MYH11: variants seen among roughly 807,000 people sequenced by gnomAD.
The protein encoded by MYH11 is myosin heavy chain 11.
MYH11 carries 80 observed loss-of-function variants against 246.6 expected under a neutral mutation model. The ratio of observed to expected loss-of-function variants is 0.32; its 90% CI spans 0.27 to 0.39. MYH11 has a LOEUF of 0.39. MYH11 is among the 10% of genes least tolerant of loss of function. MYH11 has a pLI of 1.00. For synonymous variants in MYH11, 1,071 were observed against 1,015.5 expected (o/e 1.05, Z -1.04); for missense variants, 2,158 against 2,546.8 (o/e 0.85, Z 3.29).
At chr16:15,803,797 C>T (rs1363577048) in intron 3 of MYH11, among the ~76,000 whole-genome samples, 1 of 152,190 alleles carries the variant, frequency 6.6e-6, no homozygotes, top group Non-Finnish European at 1.5e-5. Flanking sequence ...ACAGGGCCCC[C>T]AGGAGAGGGA....
intron 8 of MYH11, among the ~76,000 whole-genome samples, chr16:15,772,355 G>T (rs1281828840): frequency 1.3e-5 from 2 of 152,040 alleles, no homozygotes; most frequent in Admixed American, 6.6e-5. Flanking sequence ...GCCTCTCAAA[G>T]TTCTGGGATT....
At chr16:15,763,741 T>TGGGGCGGGCCCCCCCCCCCCCCCCCCC in intron 10 of MYH11, 55 bp downstream of exon 10, 1 of 646,862 alleles carries the variant, frequency 1.5e-6, no homozygotes, top group Non-Finnish European at 2.9e-6. Context: ...AAATGTCACC[T>TGGGGCGGGCCCCCCCCCCCCCCCCCCC]CCCCCACCCC....
intron 3 of MYH11, among the ~76,000 whole-genome samples, chr16:15,809,330 G>A (rs944560449): frequency 4.6e-5 from 7 of 151,860 alleles, no homozygotes; most frequent in African/African-American, 7.2e-5. Flanking sequence ...CCAGGAGTTC[G>A]AGACCAGCCT....
intron 3 of MYH11, among the ~76,000 whole-genome samples, chr16:15,818,856 T>C (rs965028233): frequency 6.6e-6 from 1 of 152,244 alleles, no homozygotes; most frequent in Non-Finnish European, 1.5e-5. Context: ...TTATCTTTTA[T>C]GGATGTGCAT....
At chr16:15,711,063 A>T (rs1475623704) in intron 40 of MYH11, 1 of 152,044 alleles carries the variant, frequency 6.6e-6, no homozygotes, top group Admixed American at 6.6e-5. Flanking sequence ...GTACTTTGGG[A>T]GCCTAGGCCT....
Position 15,717,410 on chromosome 16 carries a change from C to G in MYH11, c.5296-62G>C, listed in dbSNP as rs991471559. 11 of 1,559,318 alleles carry G rather than the reference C, an allele frequency of 7.1e-6. No homozygotes were observed. In the Admixed American group the frequency reaches 1.9e-4, roughly 26 times the overall value. On this transcript the variant is annotated intron_variant, in intron 37 of 40. Transcript: ENST00000300036. Reference sequence around the variant, plus strand: ...GGAAGCCCAAGAGAGCGCACTGAGACCATGCCTCTTCCTGCCTTGTTTGGC... The same window carrying G: ...GGAAGCCCAAGAGAGCGCACTGAGAGCATGCCTCTTCCTGCCTTGTTTGGC...
chr16:15,777,911 A>C (rs2042261139), intron 7 of MYH11, among the ~76,000 whole-genome samples: 1 of 152,168 alleles, frequency 6.6e-6, no homozygotes, highest in African/African-American at 2.4e-5. Flanking sequence ...AGACAAGTAC[A>C]GTGGAGAGGA....
intron 31 of MYH11, among the ~76,000 whole-genome samples, chr16:15,723,508 ATAG>A (rs200055589): frequency 0.016 from 2,375 of 152,244 alleles, 64 homozygotes; most frequent in African/African-American, 0.054. Context: ...TTAGCCAGAC[ATAG>A]TGGTGTGCTC....
chr16:15,800,549 G>A (rs2151324606), intron 3 of MYH11, among the ~76,000 whole-genome samples: 1 of 151,800 alleles, frequency 6.6e-6, no homozygotes, highest in East Asian at 2.0e-4. Context: ...GAGAGTGGAT[G>A]GGTGGGTGAA....
chr16:15,741,755 G>A lies in MYH11; in HGVS notation c.2652+5C>T, dbSNP rs2151251015. Reference sequence around the variant, plus strand: ...GCAACCCCAGCCATGCATCCATACAGGTACCTGCGAGTGCTTCTGTTCCAG... The same window carrying A: ...GCAACCCCAGCCATGCATCCATACAAGTACCTGCGAGTGCTTCTGTTCCAG... On this transcript the variant is annotated splice_donor_5th_base_variant and intron_variant, in intron 21 of 40. Transcript: ENST00000300036. The A allele has an allele frequency of 1.2e-6, 2 of 1,614,150 alleles. No homozygotes were observed. The highest frequency in any genetic ancestry group is 1.7e-6 in the Non-Finnish European group (2 of 1,180,038).
At chr16:15,801,146 C>A (rs951203190) in intron 3 of MYH11, among the ~76,000 whole-genome samples, 25 of 152,106 alleles carry the variant, frequency 1.6e-4, no homozygotes, top group African/African-American at 6.0e-4. Context: ...GCGGACGTTG[C>A]AGTGAGCCGA....
chr16:15,792,096 T>G (rs896559254), intron 4 of MYH11: 1 of 152,228 alleles, frequency 6.6e-6, no homozygotes, highest in African/African-American at 2.4e-5. Flanking sequence ...GTTTTGCTTC[T>G]TGCTCAGGCC....
chr16:15,719,283 C>G lies in MYH11; in HGVS notation c.5108G>C (p.Arg1703Pro). The change falls in exon 36 of 41, where the codon CGC (arginine) becomes CCC (proline). Residue 1703 changes from arginine (R) to proline (P), a missense_variant. By Grantham distance (103) the Arg-to-Pro change is moderately radical. Transcript: ENST00000300036. The part of the protein sequence containing the change: ...QEDLAAAERA[R>P]KQADLEKEEL... ...CTCCTTCTCGAGGTCCGCTTGTTTG[C>G]GAGCCCTCTCAGCGGCGGCGAGGTC... The G allele has an allele frequency of 6.2e-7, 1 of 1,612,538 alleles. No individual in the cohort carries two copies. The highest frequency in any genetic ancestry group is 8.5e-7 in the Non-Finnish European group (1 of 1,180,014).
At chr16:15,767,509 C>G (rs911204303) in intron 9 of MYH11, among the ~76,000 whole-genome samples, 1 of 151,780 alleles carries the variant, frequency 6.6e-6, no homozygotes, top group Non-Finnish European at 1.5e-5. Flanking sequence ...TTTGTGGATA[C>G]CGGGGTCTCA....
intron 31 of MYH11, among the ~76,000 whole-genome samples, chr16:15,722,417 ACAGAG>A (rs1310943483): frequency 6.6e-6 from 1 of 152,226 alleles, no homozygotes; most frequent in African/African-American, 2.4e-5. Context: ...TTCAGAGAGA[ACAGAG>A]CAGATTATAA....
chr16:15,814,707 A>G (rs1437388047), intron 3 of MYH11, among the ~76,000 whole-genome samples: 1 of 152,062 alleles, frequency 6.6e-6, no homozygotes. Context: ...CCTCTGGAAG[A>G]AAAGATCAAG....
In MYH11 at chr16:15,756,387, T is replaced by C; in HGVS notation, c.1703A>G (p.Gln568Arg). Reference protein sequence around the residue: ...GSHPKFQKPKQLKDKTEFSII... With the variant: ...GSHPKFQKPKRLKDKTEFSII... ...GGAGAACTCAGTCTTGTCCTTGAGC[T>C]GCTTGGGCTTCTGGAACTTGGGGTG... The change falls in exon 14 of 41, where the codon CAG becomes CGG. Residue 568 changes from glutamine to arginine, a missense_variant. Coordinates refer to ENST00000300036, the MANE Select transcript of MYH11 (RefSeq NM_002474.3). The C allele has an allele frequency of 6.2e-7, 1 of 1,614,202 alleles. No homozygotes were observed. Among genetic ancestry groups the C allele is most frequent in the Non-Finnish European group, 8.5e-7 (1 of 1,180,042 alleles).
chr16:15,720,420 A>G lies in MYH11; in HGVS notation c.4792-108T>C, dbSNP rs73519685. On this transcript the variant is annotated intron_variant, in intron 33 of 40. Transcript: ENST00000300036. ...CCTTCCCCAGCACAGCCCCCTTGTG[A>G]GGTGGGCATCTCATCCCCAGTTGCA... is the stretch of plus-strand genomic sequence containing the variant. The G allele has an allele frequency of 0.029, 40,997 of 1,436,696 alleles. 2,103 individuals are homozygous for G. The highest frequency in any genetic ancestry group is 0.22 in the African/African-American group (15,857 of 70,948). 89.0% of individuals were successfully genotyped at this position (1,436,696 alleles called of 1,614,324 possible).
intron 2 of MYH11, among the ~76,000 whole-genome samples, chr16:15,836,152 A>C (rs889155641): frequency 3.9e-5 from 6 of 152,110 alleles, no homozygotes; most frequent in Non-Finnish European, 7.3e-5. Flanking sequence ...CCTTTCAGAG[A>C]GAAGACATAG....
Sources: allele counts gnomAD v4.1 joint callset (sites outside exome capture counted in the v4.1 genomes callset), GRCh38; gene constraint gnomAD v4.1.1; transcripts MANE v1.5; gene names NCBI Gene and HGNC (gene_info 2026-07-23, HGNC 2026-07-21).